Variants in R3HDM1 observed in about 807,000 individuals in gnomAD.
R3HDM1 encodes the protein R3H domain-containing protein 1.
In R3HDM1, 46 loss-of-function variants were observed where a neutral mutation model predicts 141.1. That is an observed-to-expected ratio of 0.33 (90% CI 0.26 to 0.42). The LOEUF (loss-of-function observed/expected upper bound fraction) is 0.42. R3HDM1 is among the 10% of genes least tolerant of loss of function. The pLI, the probability that R3HDM1 is intolerant of heterozygous loss-of-function variation, is 1.00. For missense variants in R3HDM1, 1,184 were observed against 1,368.3 expected, an observed-to-expected ratio of 0.87 and a Z score of 2.12; for synonymous variants, 435 against 472.9, an observed-to-expected ratio of 0.92 and a Z score of 1.04.
chr2:135,696,603 T>A (rs1425082526), intron 21 of R3HDM1, among the ~76,000 whole-genome samples: 1 of 152,010 alleles, frequency 6.6e-6, no homozygotes, highest in Non-Finnish European at 1.5e-5. Flanking sequence ...GCAATCCTCC[T>A]GCGTCAGCCT....
chr2:135,697,883 A>G (rs947023336), intron 21 of R3HDM1, among the ~76,000 whole-genome samples: 1 of 151,766 alleles, frequency 6.6e-6, no homozygotes, highest in Non-Finnish European at 1.5e-5. Context: ...GTGAAACCCC[A>G]TCTCTACCAA....
intron 1 of R3HDM1, among the ~76,000 whole-genome samples, chr2:135,560,837 A>G (rs569740116): frequency 6.6e-6 from 1 of 152,284 alleles, no homozygotes; most frequent in South Asian, 2.1e-4. Flanking sequence ...TGGAGGCTGT[A>G]TGTTAAGATG....
intron 19 of R3HDM1, among the ~76,000 whole-genome samples, chr2:135,662,691 A>G (rs989567218): frequency 3.9e-5 from 6 of 152,236 alleles, no homozygotes; most frequent in Non-Finnish European, 7.3e-5. Flanking sequence ...AGTATATGAT[A>G]TAATTTCAAA....
rs559837256 is a variant in R3HDM1, at chr2:135,549,576, A to C, written c.-250+17943A>C. Among the ~76,000 whole-genome samples, 291 of 148,018 alleles carry C rather than the reference A, an allele frequency of 2.0e-3. 5 individuals are homozygous for C. The highest frequency in any genetic ancestry group is 9.9e-3 in the Admixed American group (146 of 14,758). ...AACTCTGCCTCAAAAAAAAAAAAAAAAAAAACAAAAACAAAATGGGGTCTT... is the reference window on the plus strand; with the variant it reads ...AACTCTGCCTCAAAAAAAAAAAAAACAAAAACAAAAACAAAATGGGGTCTT... On this transcript the variant is annotated intron_variant, in intron 1 of 26. Transcript: ENST00000683871.
At chr2:135,609,463 C>A (rs1453474677) in intron 3 of R3HDM1, among the ~76,000 whole-genome samples, 1 of 152,144 alleles carries the variant, frequency 6.6e-6, no homozygotes, top group African/African-American at 2.4e-5. Context: ...AATTATCTGA[C>A]AGGTTTTTGG....
At chr2:135,609,586 C>G (rs2060354346) in intron 3 of R3HDM1, among the ~76,000 whole-genome samples, 2 of 152,136 alleles carry the variant, frequency 1.3e-5, no homozygotes, top group South Asian at 4.1e-4. Flanking sequence ...TGCCAGGTTT[C>G]TAAATCCAGA....
intron 9 of R3HDM1, chr2:135,633,924 C>G (rs866642709): frequency 1.3e-5 from 2 of 152,142 alleles, no homozygotes; most frequent in Non-Finnish European, 2.9e-5. Flanking sequence ...TTGGTTAAAC[C>G]TTATAGTTCA....
chr2:135,702,832 G>A (rs756234050), intron 21 of R3HDM1, among the ~76,000 whole-genome samples: 1 of 151,880 alleles, frequency 6.6e-6, no homozygotes. Context: ...AACATATAGA[G>A]TAAAGAGATC....
At chr2:135,677,674 G>A (rs1273858225) in intron 20 of R3HDM1, among the ~76,000 whole-genome samples, 1 of 152,016 alleles carries the variant, frequency 6.6e-6, no homozygotes, top group Admixed American at 6.6e-5. Flanking sequence ...TGTATTTAAT[G>A]TAATTCTCAC....
At chr2:135,541,212 T>G (rs935678066) in intron 1 of R3HDM1, among the ~76,000 whole-genome samples, 3 of 152,098 alleles carry the variant, frequency 2.0e-5, no homozygotes, top group Non-Finnish European at 4.4e-5. Flanking sequence ...AGCTTCTTTT[T>G]TTTTTGGAGA....
intron 5 of R3HDM1, among the ~76,000 whole-genome samples, chr2:135,618,014 T>C (rs1389236922): frequency 3.9e-5 from 6 of 152,202 alleles, no homozygotes; most frequent in African/African-American, 1.2e-4. Context: ...ATTTAGAATA[T>C]GCACTGTTTT....
At chr2:135,716,177 G>A (rs2051098125) in intron 24 of R3HDM1, among the ~76,000 whole-genome samples, 1 of 152,200 alleles carries the variant, frequency 6.6e-6, no homozygotes, top group Admixed American at 6.5e-5. Context: ...GCACATGACT[G>A]TAGTCACAGC....
At chr2:135,669,369 A>G (rs1559390653) in intron 19 of R3HDM1, 1 of 985,176 alleles carries the variant, frequency 1.0e-6, no homozygotes, top group Non-Finnish European at 1.2e-6. Flanking sequence ...ATTTTGAATA[A>G]CATGCTTATA....
intron 21 of R3HDM1, among the ~76,000 whole-genome samples, chr2:135,701,328 C>T (rs982814965): frequency 3.3e-5 from 5 of 151,956 alleles, no homozygotes; most frequent in East Asian, 1.9e-4. Flanking sequence ...ACTTGCACCC[C>T]GGAGTTCAAG....
chr2:135,605,919 G>A (rs1039147462), intron 3 of R3HDM1: 1 of 152,148 alleles, frequency 6.6e-6, no homozygotes, highest in Non-Finnish European at 1.5e-5. Flanking sequence ...CCTGAGCTCC[G>A]GCGATCCGCC....
chr2:135,606,947 T>G (rs557261713), intron 3 of R3HDM1, among the ~76,000 whole-genome samples: 28 of 95,328 alleles, frequency 2.9e-4, no homozygotes, highest in African/African-American at 1.1e-3. Flanking sequence ...TTCACTTTTT[T>G]AAAGTAAAGA....
rs145348539 is a variant in R3HDM1 at position 135,658,343 on chromosome 2, T to A, written c.2029-2927T>A. Among the ~76,000 whole-genome samples, 218 of 152,286 alleles carry A rather than the reference T, an allele frequency of 1.4e-3. 1 individual carries two copies. The highest frequency in any genetic ancestry group is 4.9e-3 in the African/African-American group (202 of 41,558). ...CACCATGCCCGGCTAATTTTTTGTA[T>A]CTTTAGTAGAGACAGGGTTTCACTT... On this transcript the variant is annotated intron_variant, in intron 18 of 26. Coordinates refer to ENST00000683871, the MANE Select transcript of R3HDM1 (RefSeq NM_001378107.1).
At position 135,675,380 on chromosome 2, in the gene R3HDM1, G is replaced by C; in HGVS notation, c.2201G>C (p.Gly734Ala). 6.2e-7 allele frequency: 1 copy of C among 1,613,940 alleles called. No homozygotes were observed. Among genetic ancestry groups the C allele is most frequent in the South Asian group, 1.1e-5 (1 of 91,070 alleles). ...CAGCAAAACTACCAAGGAATAGTTGGAGTTCAGCAACCCCAGAGTCAGAGC... is the reference window on the plus strand; with the variant it reads ...CAGCAAAACTACCAAGGAATAGTTGCAGTTCAGCAACCCCAGAGTCAGAGC... ...NQQQNYQGIV[G>A]VQQPQSQSLV... is the part of the protein sequence containing the mutation. The change falls in exon 20 of 27, where the codon GGA (glycine) becomes GCA (alanine). Residue 734 changes from glycine to alanine, a missense_variant. By Grantham distance (60) the Gly-to-Ala change is moderately conservative. This residue lies in a region of R3HDM1 where 563 missense variants were observed against 562.0 expected (regional missense o/e 1.00). Transcript: ENST00000683871.
chr2:135,616,814 A>G lies in R3HDM1; in HGVS notation c.303+57A>G, dbSNP rs1160776752. 5 of 1,384,632 alleles carry G rather than the reference A, an allele frequency of 3.6e-6. No homozygotes were observed. The Admixed American group carries it at 5.9e-5, about 16-fold the overall frequency. The allele number at this position is 1,384,632 out of a possible 1,614,324, so 85.8% of individuals were successfully genotyped here. The stretch of plus-strand genomic sequence containing the variant: ...CATGGTGGAACTGGAGAATTTTTGT[A>G]TATGATTTAAGTTGTGTTTGTTATA... On this transcript the variant is annotated intron_variant, in intron 5 of 26. Coordinates refer to ENST00000683871, the MANE Select transcript of R3HDM1 (RefSeq NM_001378107.1).
Sources: gnomAD v4.1 joint callset for allele counts (sites outside exome capture counted in the v4.1 genomes callset) on GRCh38, gnomAD v4.1.1 for gene constraint, gnomAD v4.1.1 regional missense constraint, MANE v1.5 for transcripts, NCBI Gene and HGNC (gene_info 2026-07-23, HGNC 2026-07-21) for gene names.